The following SUPT20H variants were observed in gnomAD, a reference collection of about 807,000 sequenced individuals.
SUPT20H encodes transcription factor SPT20 homolog.
In SUPT20H, 82 loss-of-function variants were observed where a neutral mutation model predicts 122.8. The ratio of observed to expected loss-of-function variants is 0.67; its 90% CI spans 0.56 to 0.80. The LOEUF (loss-of-function observed/expected upper bound fraction) is 0.80. Among genes scored for constraint, SUPT20H ranks in the 30% least tolerant of loss-of-function variants. The pLI, the probability that SUPT20H is intolerant of heterozygous loss-of-function variation, is 0.00. For missense variants in SUPT20H, 831 were observed against 921.6 expected, an observed-to-expected ratio of 0.90 and a Z score of 1.27; for synonymous variants, 291 against 313.0, an observed-to-expected ratio of 0.93 and a Z score of 0.74.
At chr13:37,048,501 A>AGTTTT in intron 3 of SUPT20H, 63 bp downstream of exon 3, 1 of 1,461,858 alleles carries the variant, frequency 6.8e-7, no homozygotes, top group African/African-American at 1.4e-5. Flanking sequence ...AAAATCTCTT[A>AGTTTT]AAACTGAGCT....
intron 5 of SUPT20H, among the ~76,000 whole-genome samples, chr13:37,046,398 C>T (rs534061524): frequency 1.3e-5 from 2 of 152,170 alleles, no homozygotes; most frequent in South Asian, 4.2e-4. Flanking sequence ...AGAGTTGATC[C>T]CATTTAGACT....
At position 37,044,180 on chromosome 13, in the gene SUPT20H, A is replaced by C; in HGVS notation, c.294T>G (p.Asp98Glu). Residue 98 changes from aspartate to glutamate, a missense_variant and splice_region_variant, in exon 7 of 26, where the codon GAT (aspartate) becomes GAG (glutamate). Transcript: ENST00000350612. ...CATAGGGCAGTCGAATGGTCTCGGA[A>C]TCTTAATTTAAAACATGAAGTTTGA... ...SLMLRGKNGS[D>E]SETIRLPYEE... 1 of 1,599,116 alleles carries C rather than the reference A, an allele frequency of 6.3e-7. No homozygotes were observed. Among genetic ancestry groups the C allele is most frequent in the Non-Finnish European group, 8.5e-7 (1 of 1,173,272 alleles).
At chr13:37,048,784 T>C (rs547145161) in intron 2 of SUPT20H, among the ~76,000 whole-genome samples, 185 bp from the exon 3 acceptor site, 1 of 152,266 alleles carries the variant, frequency 6.6e-6, no homozygotes, top group African/African-American at 2.4e-5. Context: ...GGGCACCTGA[T>C]TACTAACAAC....
chr13:37,022,982 A>C lies in SUPT20H; in HGVS notation c.1592-902T>G. 1 of 1,259,970 alleles carries C rather than the reference A, an allele frequency of 7.9e-7. No individual in the cohort carries two copies. Among genetic ancestry groups the C allele is most frequent in the Non-Finnish European group, 1.0e-6 (1 of 977,440 alleles). The allele number at this position is 1,259,970 out of a possible 1,614,324, so 78.0% of individuals were successfully genotyped here. The stretch of plus-strand genomic sequence containing the variant: ...AATTTTTTAAAAAACAAAAACAAAA[A>C]ACAAAAACCAAAAAAGTAAAACCAA... On this transcript the variant is annotated intron_variant, in intron 19 of 25. Transcript: ENST00000350612. The surrounding 1 kb of genome is among the most constrained non-coding windows in gnomAD (Gnocchi z 4.5).
At chr13:37,033,383 T>C (rs1284160173) in intron 10 of SUPT20H, 66 bp downstream of exon 10, 2 of 1,568,708 alleles carry the variant, frequency 1.3e-6, no homozygotes, top group East Asian at 2.3e-5. Flanking sequence ...AGGGAAAAGA[T>C]ACTATAAATA....
At chr13:37,010,677 A>G in intron 24 of SUPT20H, 22 bp from the exon 25 acceptor site, 2 of 1,599,710 alleles carry the variant, frequency 1.3e-6, no homozygotes, top group Non-Finnish European at 1.7e-6. Flanking sequence ...AGAAGGGGAA[A>G]GCAGGCCAGT....
chr13:37,021,690 T>A, intron 20 of SUPT20H, 88 bp from the exon 21 acceptor site: 3 of 1,361,474 alleles, frequency 2.2e-6, no homozygotes. Context: ...ACAAAACTAC[T>A]AAGCAAACAC....
rs1410592638 is a variant in SUPT20H, at chr13:37,017,377, T to A, written c.1873-13A>T. On this transcript the variant is annotated splice_polypyrimidine_tract_variant and intron_variant, in intron 22 of 25. Coordinates refer to ENST00000350612, the MANE Select transcript of SUPT20H (RefSeq NM_001014286.3). The stretch of plus-strand genomic sequence containing the variant: ...AACCACCTGGAAGCTATTAAGAATT[T>A]AAACAAAAATTAACCAATTTCACAT... The A allele has an allele frequency of 6.3e-7, 1 of 1,593,988 alleles. No individual in the cohort carries two copies.
chr13:37,050,881 A>T (rs1202048061), intron 2 of SUPT20H, among the ~76,000 whole-genome samples: 1 of 152,176 alleles, frequency 6.6e-6, no homozygotes, highest in Non-Finnish European at 1.5e-5. Context: ...GGGTTATCTA[A>T]ATAAATAACA....
At chr13:37,023,995 G>GTGTTT in intron 19 of SUPT20H, 40 bp downstream of exon 19, 1 of 1,574,436 alleles carries the variant, frequency 6.4e-7, no homozygotes, top group East Asian at 2.3e-5. Context: ...TAATGCAAAA[G>GTGTTT]CTTATGAAGA....
intron 1 of SUPT20H, 140 bp downstream of exon 1, chr13:37,059,412 GCCCCGGC>G (rs1308264185): frequency 1.3e-5 from 2 of 152,278 alleles, no homozygotes; most frequent in East Asian, 3.9e-4. Context: ...CTCAACCTCC[GCCCCGGC>G]CTGCCGGGTC....
Position 37,025,429 on chromosome 13 carries a change from T to A in SUPT20H, c.1220A>T (p.Asn407Ile). The A allele has an allele frequency of 1.2e-6, 2 of 1,611,222 alleles. No homozygotes were observed. Among genetic ancestry groups the A allele is most frequent in the Non-Finnish European group, 1.7e-6 (2 of 1,177,686 alleles). The change falls in exon 17 of 26, where the codon AAT becomes ATT. Residue 407 changes from asparagine to isoleucine, a missense_variant. By Grantham distance (149) the Asn-to-Ile change is moderately radical. Coordinates refer to ENST00000350612, the MANE Select transcript of SUPT20H (RefSeq NM_001014286.3). ...ATTCTGGACTAATTCTTGGTACTGA[T>A]TGACTACCCTAAAATATCAGGAGAA... Reference protein sequence around the residue: ...GSKTDAERVVNQYQELVQNEA... With the variant: ...GSKTDAERVVIQYQELVQNEA...
intron 17 of SUPT20H, chr13:37,025,112 T>G: frequency 4.6e-6 from 2 of 439,510 alleles, no homozygotes; most frequent in Non-Finnish European, 4.3e-6. Context: ...CAGCTAATTT[T>G]TGTGTTTTTA....
chr13:37,052,980 T>A (rs2068076460), intron 1 of SUPT20H, among the ~76,000 whole-genome samples: 1 of 152,180 alleles, frequency 6.6e-6, no homozygotes, highest in African/African-American at 2.4e-5. Context: ...AAATACCATC[T>A]CACACCAGTT....
intron 20 of SUPT20H, 26 bp downstream of exon 20, chr13:37,021,985 A>G (rs1180077158): frequency 7.2e-6 from 11 of 1,531,050 alleles, no homozygotes; most frequent in Non-Finnish European, 9.6e-6. Context: ...TATAAAAAAA[A>G]AATCCGAACA....
At chr13:37,030,071 C>T (rs2063029439) in intron 12 of SUPT20H, among the ~76,000 whole-genome samples, 1 of 152,190 alleles carries the variant, frequency 6.6e-6, no homozygotes, top group Non-Finnish European at 1.5e-5. Context: ...TGTTAATAAA[C>T]ACAGCTGCTT....
chr13:37,025,073 C>T, intron 17 of SUPT20H: 1 of 375,530 alleles, frequency 2.7e-6, no homozygotes, highest in South Asian at 2.2e-5. Flanking sequence ...TCCCGAGTGG[C>T]TGGGATTACA....
chr13:37,014,163 C>T (rs2060048889), intron 23 of SUPT20H, among the ~76,000 whole-genome samples: 1 of 151,842 alleles, frequency 6.6e-6, no homozygotes. Flanking sequence ...GAAATATTAC[C>T]AGAGATAAAG....
intron 21 of SUPT20H, among the ~76,000 whole-genome samples, chr13:37,020,461 G>T (rs1414424152): frequency 6.6e-6 from 1 of 152,108 alleles, no homozygotes; most frequent in African/African-American, 2.4e-5. Flanking sequence ...AAACTGAACT[G>T]AGGATAAGGG....
Sources: allele counts gnomAD v4.1 joint callset (sites outside exome capture counted in the v4.1 genomes callset), GRCh38; gene constraint gnomAD v4.1.1; non-coding constraint Gnocchi (gnomAD v3.1); transcripts MANE v1.5; gene names NCBI Gene and HGNC (gene_info 2026-07-23, HGNC 2026-07-21).